DNAH8: variants seen among roughly 807,000 people sequenced by gnomAD.
DNAH8 encodes dynein axonemal heavy chain 8.
Under a neutral mutation model 562.1 loss-of-function variants are expected in DNAH8, and 382 were observed. The observed-to-expected ratio is 0.68, with a 90% confidence interval of 0.63 to 0.74. The LOEUF (loss-of-function observed/expected upper bound fraction) is 0.74. Ranked by LOEUF, DNAH8 falls within the 30% of genes least tolerant of loss-of-function variation. The probability of loss-of-function intolerance (pLI) is 0.00; values close to 1 mark genes in which losing one functional copy is unlikely to be tolerated. For synonymous variants in DNAH8, 1,881 were observed against 1,919.4 expected, an observed-to-expected ratio of 0.98 and a Z score of 0.52; for missense variants, 5,203 against 5,620.4, an observed-to-expected ratio of 0.93 and a Z score of 2.37.
intron 80 of DNAH8, 69 bp from the exon 81 acceptor site, chr6:38,949,383 C>G: frequency 1.0e-6 from 1 of 972,612 alleles, no homozygotes; most frequent in South Asian, 1.3e-5. Flanking sequence ...TCAGGTGATT[C>G]AGAATCCTTT....
At chr6:38,907,390 A>G (rs913395677) in intron 63 of DNAH8, among the ~76,000 whole-genome samples, 1 of 152,210 alleles carries the variant, frequency 6.6e-6, no homozygotes, top group Admixed American at 6.5e-5. Context: ...GATTCCTAGA[A>G]GGAAAGCAGA....
At chr6:38,929,347 A>T in intron 74 of DNAH8, 164 bp from the exon 75 acceptor site, 1 of 636,816 alleles carries the variant, frequency 1.6e-6, no homozygotes, top group Non-Finnish European at 2.5e-6. Flanking sequence ...TGACTCACCA[A>T]GTTTTAGAAA....
chr6:39,030,145 C>T lies in DNAH8; in HGVS notation c.13877C>T (p.Ala4626Val), dbSNP rs1380983192. Residue 4626 changes from alanine to valine, a missense_variant, in exon 93 of 93, where the codon GCC becomes GTC. Around this residue, in one of 6 missense-constraint regions of DNAH8, gnomAD observed 1,399 missense variants for 1,518.4 expected, o/e 0.92. Coordinates refer to ENST00000327475, the MANE Select transcript of DNAH8 (RefSeq NM_001206927.2). Reference sequence around the variant, plus strand: ...TATGGGCTCTACATGGATGGAGCAGCCTGGGACAGACGGAATGGGAAGCTC... The same window carrying T: ...TATGGGCTCTACATGGATGGAGCAGTCTGGGACAGACGGAATGGGAAGCTC... ...YIYGLYMDGA[A>V]WDRRNGKLME... is the part of the protein sequence containing the mutation. The T allele has an allele frequency of 6.2e-7, 1 of 1,614,038 alleles. No individual in the cohort carries two copies. The highest frequency in any genetic ancestry group is 8.5e-7 in the Non-Finnish European group (1 of 1,179,986).
At chr6:38,790,716 G>A (rs1283392040) in intron 20 of DNAH8, among the ~76,000 whole-genome samples, 2 of 151,756 alleles carry the variant, frequency 1.3e-5, no homozygotes, top group East Asian at 1.9e-4. Flanking sequence ...CCAGCTACTC[G>A]GGAGTCTGAG....
intron 76 of DNAH8, among the ~76,000 whole-genome samples, chr6:38,934,056 A>T (rs183615149): frequency 6.6e-6 from 1 of 152,200 alleles, no homozygotes; most frequent in African/African-American, 2.4e-5. Flanking sequence ...AGATTGTGAT[A>T]CAAACTATAT....
In DNAH8 at chr6:38,883,072, C is replaced by T. The variant is rs765226894; in HGVS notation, c.8001+20C>T. On this transcript the variant is annotated intron_variant, in intron 54 of 92. Coordinates refer to ENST00000327475, the MANE Select transcript of DNAH8 (RefSeq NM_001206927.2). ...CATAAAGTAAGTTTAATAGATAGTT[C>T]CTTAAATGATCACAAACCATCCATG... The T allele has an allele frequency of 2.0e-5, 31 of 1,555,970 alleles. No individual in the cohort carries two copies. Among genetic ancestry groups the T allele is most frequent in the Non-Finnish European group, 2.4e-5 (28 of 1,155,184 alleles).
At chr6:39,024,959 C>T (rs1342598223) in intron 91 of DNAH8, among the ~76,000 whole-genome samples, 1 of 152,202 alleles carries the variant, frequency 6.6e-6, no homozygotes. Context: ...ACACCTAATC[C>T]TATTTTAGTG....
intron 3 of DNAH8, among the ~76,000 whole-genome samples, chr6:38,729,342 G>A (rs1470206653): frequency 2.0e-5 from 3 of 152,088 alleles, no homozygotes; most frequent in Non-Finnish European, 4.4e-5. Context: ...CAGGGCTTTC[G>A]TTTATGTTAT....
At chr6:38,928,982 T>C (rs969417957) in intron 74 of DNAH8, among the ~76,000 whole-genome samples, 1 of 152,198 alleles carries the variant, frequency 6.6e-6, no homozygotes, top group Non-Finnish European at 1.5e-5. Context: ...GTCTAGTCTT[T>C]TAGGTTGACT....
chr6:38,868,243 C>A (rs1777209458), intron 48 of DNAH8, 47 bp downstream of exon 48: 3 of 1,559,184 alleles, frequency 1.9e-6, no homozygotes, highest in Non-Finnish European at 2.6e-6. Flanking sequence ...AATATTGTTT[C>A]TTTCTATTTG....
At chr6:38,815,352 G>C in intron 25 of DNAH8, 116 bp from the exon 26 acceptor site, 1 of 719,382 alleles carries the variant, frequency 1.4e-6, no homozygotes, top group Non-Finnish European at 2.3e-6. Context: ...CCTCAAATCA[G>C]CCTTGCACTG....
chr6:38,783,611 C>A (rs1017849614), intron 17 of DNAH8, among the ~76,000 whole-genome samples: 2 of 152,050 alleles, frequency 1.3e-5, no homozygotes, highest in Non-Finnish European at 2.9e-5. Flanking sequence ...GTAAATGAAG[C>A]GTTTTAGTGC....
chr6:38,998,805 A>G (rs1765303255), intron 88 of DNAH8, among the ~76,000 whole-genome samples: 1 of 152,230 alleles, frequency 6.6e-6, no homozygotes, highest in Admixed American at 6.5e-5. Context: ...TTCTTCAAGA[A>G]ATAACTTAGA....
At chr6:38,908,785 T>G (rs1423055321) in intron 64 of DNAH8, among the ~76,000 whole-genome samples, 1 of 152,166 alleles carries the variant, frequency 6.6e-6, no homozygotes, top group African/African-American at 2.4e-5. Flanking sequence ...ACTCCTGAAC[T>G]CAAGCGATTC....
intron 21 of DNAH8, among the ~76,000 whole-genome samples, chr6:38,792,951 A>G (rs62396391): frequency 0.038 from 5,704 of 151,956 alleles, 161 homozygotes; most frequent in Non-Finnish European, 0.053. Flanking sequence ...GCTAATTAAA[A>G]ACATTTTTTT....
chr6:38,875,800 C>T lies in DNAH8; in HGVS notation c.7830C>T (p.Thr2610=), dbSNP rs1255397834. 9.9e-6 allele frequency: 16 copies of T among 1,613,248 alleles called. No homozygotes were observed. The highest frequency in any genetic ancestry group is 1.3e-5 in the Non-Finnish European group (15 of 1,179,436). Reference sequence around the variant, plus strand: ...AAATACCTAAAGGCTCAAATCAAACCATGTATGAGTTTTATGTTACTGATT... The same window carrying T: ...AAATACCTAAAGGCTCAAATCAAACTATGTATGAGTTTTATGTTACTGATT... ...LPEIPKGSNQ[T]MYEFYVTDYG... The change falls in exon 53 of 93, where the codon ACC becomes ACT. Residue 2610 remains threonine (T), a synonymous_variant. Transcript: ENST00000327475.
At chr6:38,756,471 T>A (rs916472748) in intron 10 of DNAH8, among the ~76,000 whole-genome samples, 6 of 152,158 alleles carry the variant, frequency 3.9e-5, no homozygotes, top group African/African-American at 1.4e-4. Context: ...TTTAAAATAA[T>A]TTTTTAAAAA....
intron 10 of DNAH8, among the ~76,000 whole-genome samples, chr6:38,759,501 C>T (rs1685169022): frequency 6.6e-6 from 1 of 152,160 alleles, no homozygotes; most frequent in South Asian, 2.1e-4. Flanking sequence ...CAGAATCCTT[C>T]CTCTTTACCT....
chr6:38,771,901 TG>T lies in DNAH8; in HGVS notation c.1764+1343del, dbSNP rs201910798. 2.6e-3 allele frequency among the ~76,000 whole-genome samples: 403 copies of T among 152,328 alleles called. 4 individuals are homozygous for T. The South Asian group carries it at 0.037, about 14-fold the overall frequency. ...TATGTTGTCATTTCTCTTGGGTATATGTGCAGAAGTAGAATTGCTAGGTCAT... is the reference window on the plus strand; with the variant it reads ...TATGTTGTCATTTCTCTTGGGTATATTGCAGAAGTAGAATTGCTAGGTCAT... On this transcript the variant is annotated intron_variant, in intron 12 of 92. Transcript: ENST00000327475.
Sources: allele counts gnomAD v4.1 joint callset (sites outside exome capture counted in the v4.1 genomes callset), GRCh38; gene constraint gnomAD v4.1.1; regional missense constraint gnomAD v4.1.1; transcripts MANE v1.5; gene names NCBI Gene and HGNC (gene_info 2026-07-23, HGNC 2026-07-21).